ARHGAP24: variants seen among roughly 807,000 people sequenced by gnomAD.
The protein encoded by ARHGAP24 is rho GTPase-activating protein 24.
ARHGAP24 carries 50 observed loss-of-function variants against 76.4 expected under a neutral mutation model. That is an observed-to-expected ratio of 0.65 (90% CI 0.52 to 0.83). The LOEUF is 0.83. ARHGAP24 is among the 40% of genes least tolerant of loss of function. The pLI is 0.00. For synonymous variants in ARHGAP24, 345 were observed against 323.3 expected (o/e 1.07, Z -0.72); for missense variants, 930 against 914.2 (o/e 1.02, Z -0.22).
At chr4:85,844,666 G>C (rs565060485) in intron 3 of ARHGAP24, among the ~76,000 whole-genome samples, 5 of 152,292 alleles carry the variant, frequency 3.3e-5, no homozygotes, top group African/African-American at 1.2e-4. Flanking sequence ...GATGTGTCCC[G>C]TATAAATTGC....
chr4:85,574,314 C>A (rs755415325), intron 2 of ARHGAP24, among the ~76,000 whole-genome samples: 11 of 152,048 alleles, frequency 7.2e-5, no homozygotes, highest in Non-Finnish European at 2.9e-5. Context: ...GACAGGCTAC[C>A]CTGAAAATGC....
At chr4:85,960,675 C>G (rs1738190331) in intron 5 of ARHGAP24, among the ~76,000 whole-genome samples, 1 of 152,076 alleles carries the variant, frequency 6.6e-6, no homozygotes, top group African/African-American at 2.4e-5. Flanking sequence ...GTAGAAAACT[C>G]AAGTGCTTGT....
intron 3 of ARHGAP24, among the ~76,000 whole-genome samples, chr4:85,872,610 T>TTG (rs1381023005): frequency 1.4e-5 from 2 of 144,754 alleles, no homozygotes; most frequent in Admixed American, 1.4e-4. Flanking sequence ...TTTTTTTTTT[T>TTG]TTTTTTTGAC....
intron 5 of ARHGAP24, among the ~76,000 whole-genome samples, chr4:85,966,917 A>G (rs995641881): frequency 6.6e-6 from 1 of 152,150 alleles, no homozygotes; most frequent in African/African-American, 2.4e-5. Context: ...TATTCTCTAC[A>G]TAGTATTCAG....
At chr4:85,896,714 G>A (rs1413095928) in intron 3 of ARHGAP24, among the ~76,000 whole-genome samples, 2 of 152,034 alleles carry the variant, frequency 1.3e-5, no homozygotes, top group African/African-American at 4.8e-5. Flanking sequence ...CATTTCAATT[G>A]TCCTCTCAGC....
At chr4:85,664,020 G>A (rs1012006161) in intron 2 of ARHGAP24, among the ~76,000 whole-genome samples, 1 of 151,380 alleles carries the variant, frequency 6.6e-6, no homozygotes. Flanking sequence ...GTATCAGGAT[G>A]ATGCTGGCCT....
At chr4:85,606,077 A>T (rs1027755770) in intron 2 of ARHGAP24, among the ~76,000 whole-genome samples, 1 of 152,138 alleles carries the variant, frequency 6.6e-6, no homozygotes, top group African/African-American at 2.4e-5. Flanking sequence ...CATTTATGTC[A>T]TGGGTGGTAT....
At chr4:85,614,920 T>C (rs1304005382) in intron 2 of ARHGAP24, among the ~76,000 whole-genome samples, 1 of 152,142 alleles carries the variant, frequency 6.6e-6, no homozygotes, top group Non-Finnish European at 1.5e-5. Flanking sequence ...TCCTTCTTCA[T>C]CATTACATTG....
At chr4:85,722,385 C>CA (rs535753993) in intron 3 of ARHGAP24, 10,667 of 136,712 alleles carry the variant, frequency 0.078, 296 homozygotes, top group Non-Finnish European at 0.098. Flanking sequence ...TTGCAAAAAA[C>CA]AAAAAAAAAA....
At chr4:85,870,986 T>C (rs983727567) in intron 3 of ARHGAP24, among the ~76,000 whole-genome samples, 2 of 152,156 alleles carry the variant, frequency 1.3e-5, no homozygotes, top group Non-Finnish European at 2.9e-5. Flanking sequence ...GATGTTGAAA[T>C]AAGAGGAGAA....
intron 3 of ARHGAP24, among the ~76,000 whole-genome samples, chr4:85,918,480 G>A (rs1735540059): frequency 6.6e-6 from 1 of 151,650 alleles, no homozygotes. Context: ...TTATTATTTT[G>A]TAATTACTAA....
At chr4:85,968,796 T>A (rs980804585) in intron 5 of ARHGAP24, among the ~76,000 whole-genome samples, 1 of 152,106 alleles carries the variant, frequency 6.6e-6, no homozygotes, top group Non-Finnish European at 1.5e-5. Context: ...CTCTACTGAG[T>A]AGCCTAAGTT....
intron 1 of ARHGAP24, among the ~76,000 whole-genome samples, chr4:85,504,927 T>C (rs1050169260): frequency 6.6e-6 from 1 of 152,194 alleles, no homozygotes; most frequent in East Asian, 1.9e-4. Context: ...GGTGACAAAA[T>C]CTCTCAGCAT....
chr4:85,928,914 G>A (rs993665524), intron 4 of ARHGAP24, among the ~76,000 whole-genome samples: 4 of 152,204 alleles, frequency 2.6e-5, no homozygotes, highest in Non-Finnish European at 4.4e-5. Flanking sequence ...CTTACAATGA[G>A]TAATTGGTAT....
intron 5 of ARHGAP24, among the ~76,000 whole-genome samples, chr4:85,945,065 C>T (rs1438646391): frequency 1.3e-5 from 2 of 152,098 alleles, no homozygotes; most frequent in East Asian, 3.9e-4. Context: ...AGGCTGGTCT[C>T]GAACTGCCGA....
At chr4:85,551,804 G>T (rs58366517) in intron 1 of ARHGAP24, among the ~76,000 whole-genome samples, 9,258 of 149,942 alleles carry the variant, frequency 0.062, 851 homozygotes, top group African/African-American at 0.2. Context: ...TTTTAAGTTT[G>T]TGTGCACAGA....
chr4:85,557,628 C>T (rs1726437987), intron 1 of ARHGAP24, among the ~76,000 whole-genome samples: 1 of 150,328 alleles, frequency 6.7e-6, no homozygotes, highest in African/African-American at 2.4e-5. Flanking sequence ...ATGTGTTCAC[C>T]TGGATGTTCC....
intron 2 of ARHGAP24, among the ~76,000 whole-genome samples, chr4:85,637,580 A>C (rs1721376419): frequency 6.6e-6 from 1 of 152,100 alleles, no homozygotes; most frequent in Non-Finnish European, 1.5e-5. Context: ...ACATAGTCCA[A>C]ATTTAGACAT....
intron 1 of ARHGAP24, among the ~76,000 whole-genome samples, chr4:85,557,371 T>TG (rs1456329653): frequency 1.3e-5 from 2 of 152,208 alleles, no homozygotes. Flanking sequence ...ACTCCATGTG[T>TG]GCTTGAGCAG....
Sources: gnomAD v4.1 joint callset for allele counts (sites outside exome capture counted in the v4.1 genomes callset) on GRCh38, gnomAD v4.1.1 for gene constraint, MANE v1.5 for transcripts, NCBI Gene and HGNC (gene_info 2026-07-23, HGNC 2026-07-21) for gene names.